Variants in LHCGR observed in about 807,000 individuals in gnomAD.
LHCGR encodes luteinizing hormone/choriogonadotropin receptor.
In LHCGR, 55 loss-of-function variants were observed where a neutral mutation model predicts 60.7. The ratio of observed to expected loss-of-function variants is 0.91; its 90% CI spans 0.73 to 1.13. The LOEUF is 1.13. Ranked by LOEUF, LHCGR falls within the 50% of genes most tolerant of loss-of-function variation. The probability of loss-of-function intolerance (pLI) is 0.00; values close to 1 mark genes in which losing one functional copy is unlikely to be tolerated. For missense variants in LHCGR, 862 were observed against 836.0 expected (o/e 1.03, Z -0.38); for synonymous variants, 337 against 316.5 (o/e 1.06, Z -0.69).
At chr2:48,700,382 G>A (rs994582109) in intron 8 of LHCGR, among the ~76,000 whole-genome samples, 2 of 152,178 alleles carry the variant, frequency 1.3e-5, no homozygotes, top group African/African-American at 2.4e-5. Context: ...TTTTAGATAC[G>A]ATTCAAGTCC....
chr2:48,696,368 G>C (rs1161521937), intron 9 of LHCGR, among the ~76,000 whole-genome samples: 1 of 152,218 alleles, frequency 6.6e-6, no homozygotes, highest in Non-Finnish European at 1.5e-5. Context: ...GGTGAAGTCA[G>C]ATCAAGTTTC....
At chr2:48,729,090 G>C (rs1409400887) in intron 3 of LHCGR, 63 bp downstream of exon 3, 4 of 1,230,628 alleles carry the variant, frequency 3.3e-6, no homozygotes, top group East Asian at 4.6e-5. Context: ...CAAATACCAA[G>C]TGGGCTCCAG....
chr2:48,724,741 A>G (rs571611791), intron 4 of LHCGR, among the ~76,000 whole-genome samples: 290 of 152,260 alleles, frequency 1.9e-3, no homozygotes, highest in Middle Eastern at 3.4e-3. Context: ...TATGTGCCCT[A>G]TAGACACCCT....
intron 8 of LHCGR, among the ~76,000 whole-genome samples, chr2:48,699,710 C>G (rs1667317119): frequency 6.6e-6 from 1 of 152,236 alleles, no homozygotes; most frequent in East Asian, 1.9e-4. Flanking sequence ...TGCATGTTCT[C>G]TAATGATTCA....
intron 1 of LHCGR, among the ~76,000 whole-genome samples, chr2:48,740,991 C>A (rs1387514907): frequency 1.3e-5 from 2 of 152,104 alleles, no homozygotes; most frequent in Non-Finnish European, 2.9e-5. Context: ...CAGAGAAGTG[C>A]TTAAAAGAGC....
At chr2:48,721,040 C>T (rs1668472673) in intron 6 of LHCGR, 1 of 152,250 alleles carries the variant, frequency 6.6e-6, no homozygotes, top group African/African-American at 2.4e-5. Context: ...AAGGACTTCT[C>T]TAAGATCTTA....
chr2:48,687,891 G>C lies in LHCGR; in HGVS notation c.1906C>G (p.Leu636Val). The C allele has an allele frequency of 5.0e-6, 8 of 1,614,166 alleles. No individual in the cohort carries two copies. In the South Asian group the frequency reaches 8.8e-5, roughly 18 times the overall value. Reference protein sequence around the residue: ...FTKTFQRDFFLLLSKFGCCKR... With the variant: ...FTKTFQRDFFVLLSKFGCCKR... ...CAGCAGCCAAATTTGCTCAGCAAAA[G>C]AAAGAAATCTCTTTGGAATGTCTTA... Residue 636 changes from leucine to valine, a missense_variant, in exon 11 of 11, where the codon CTT (leucine) becomes GTT (valine). Leu to Val is a conservative substitution (Grantham distance 32, BLOSUM62 1). Transcript: ENST00000294954.
intron 8 of LHCGR, among the ~76,000 whole-genome samples, chr2:48,703,009 T>C (rs561743608): frequency 5.1e-4 from 78 of 152,376 alleles, no homozygotes; most frequent in African/African-American, 1.9e-3. Flanking sequence ...GATTTGCATT[T>C]CTCTCATGAC....
intron 1 of LHCGR, 84 bp from the exon 2 acceptor site, chr2:48,731,382 T>C (rs756916825): frequency 3.3e-6 from 3 of 898,874 alleles, no homozygotes; most frequent in Non-Finnish European, 3.7e-6. Context: ...GGTATGTGTA[T>C]GTGTGTGAGA....
chr2:48,701,392 C>T (rs938430145), intron 8 of LHCGR, among the ~76,000 whole-genome samples: 5 of 152,178 alleles, frequency 3.3e-5, no homozygotes, highest in African/African-American at 7.2e-5. Context: ...CCCTTCTTTG[C>T]TCCCTCTGCC....
chr2:48,732,907 GA>G (rs1558877917), intron 1 of LHCGR: 1 of 534,500 alleles, frequency 1.9e-6, no homozygotes, highest in South Asian at 1.4e-5. Flanking sequence ...TCCCAAGAAG[GA>G]CATCGTTTAA....
chr2:48,708,880 AG>A, intron 8 of LHCGR, 67 bp downstream of exon 8: 1 of 1,188,388 alleles, frequency 8.4e-7, no homozygotes, highest in Non-Finnish European at 1.3e-6. Context: ...GATGATGTGG[AG>A]GGACACCCTA....
chr2:48,697,006 G>A (rs1667148865), intron 9 of LHCGR, among the ~76,000 whole-genome samples: 3 of 152,136 alleles, frequency 2.0e-5, no homozygotes, highest in Non-Finnish European at 2.9e-5. Context: ...GCAAATTTGA[G>A]TCATCTTGCT....
In LHCGR at chr2:48,687,986, G is replaced by A; in HGVS notation, c.1811C>T (p.Ser604Phe). ...ATAAAAAAGAACCAGTAAAACTTTA[G>A]AGTTGGTTACTGTGATAAGAGGTAC... ...FKVPLITVTNSKVLLVLFYPI... is the reference protein window; with the variant it reads ...FKVPLITVTNFKVLLVLFYPI... Residue 604 changes from serine to phenylalanine, a missense_variant, in exon 11 of 11, where the codon TCT becomes TTT. Coordinates refer to ENST00000294954, the MANE Select transcript of LHCGR (RefSeq NM_000233.4). 1 of 1,614,160 alleles carries A rather than the reference G, an allele frequency of 6.2e-7. No homozygotes were observed. Among genetic ancestry groups the A allele is most frequent in the South Asian group, 1.1e-5 (1 of 91,078 alleles).
chr2:48,744,419 G>A (rs1287283245), intron 1 of LHCGR, among the ~76,000 whole-genome samples: 2 of 78,796 alleles, frequency 2.5e-5, no homozygotes, highest in Non-Finnish European at 4.8e-5. Flanking sequence ...AAAGCTGGAG[G>A]CATCACACTA....
chr2:48,730,451 C>G (rs1264608846), intron 2 of LHCGR, among the ~76,000 whole-genome samples: 1 of 152,152 alleles, frequency 6.6e-6, no homozygotes, highest in Non-Finnish European at 1.5e-5. Flanking sequence ...TACTAATACC[C>G]TAAAGGGCAA....
In LHCGR at chr2:48,755,685, G is replaced by T. The variant is rs1167190824; in HGVS notation, c.-14C>A. ...CCGCTGCTTCATGGCCGGCGAACTG[G>T]GCTTCTGCGGCTTGCCAGTGTCTTG... On this transcript the variant is annotated 5_prime_UTR_variant, in exon 1 of 11. Coordinates refer to ENST00000294954, the MANE Select transcript of LHCGR (RefSeq NM_000233.4). The T allele has an allele frequency of 1.3e-6, 2 of 1,534,326 alleles. No homozygotes were observed. The highest frequency in any genetic ancestry group is 1.7e-6 in the Non-Finnish European group (2 of 1,146,386).
chr2:48,705,329 A>G (rs1489025345), intron 8 of LHCGR, among the ~76,000 whole-genome samples: 1 of 152,202 alleles, frequency 6.6e-6, no homozygotes, highest in Non-Finnish European at 1.5e-5. Context: ...CAGTTTTAGA[A>G]TAAATGCGAT....
At position 48,698,677 on chromosome 2, in the gene LHCGR, G is replaced by A. The variant is rs1558819167; in HGVS notation, c.804C>T (p.Leu268=). 1.2e-6 allele frequency: 2 copies of A among 1,614,156 alleles called. No homozygotes were observed. Among genetic ancestry groups the A allele is most frequent in the East Asian group, 4.5e-5 (2 of 44,874 alleles). The change falls in exon 9 of 11, where the codon CTC becomes CTT. Residue 268 remains leucine, a synonymous_variant. Coordinates refer to ENST00000294954, the MANE Select transcript of LHCGR (RefSeq NM_000233.4). The part of the protein sequence containing the change: ...KLPSRETFVN[L]LEATLTYPSH... ...TGGGGTAAGTCAACGTGGCCTCCAG[G>A]AGATTGACAAATGTTTCTCTTGATG...
Sources: gnomAD v4.1 joint callset for allele counts (sites outside exome capture counted in the v4.1 genomes callset) on GRCh38, gnomAD v4.1.1 for gene constraint, MANE v1.5 for transcripts, NCBI Gene and HGNC (gene_info 2026-07-23, HGNC 2026-07-21) for gene names.